The following PATJ variants were observed in gnomAD, a reference collection of about 807,000 sequenced individuals.
PATJ encodes the protein inaD-like protein.
PATJ carries 190 observed loss-of-function variants against 224.9 expected under a neutral mutation model. The observed-to-expected ratio is 0.84, with a 90% confidence interval of 0.75 to 0.95. The LOEUF (loss-of-function observed/expected upper bound fraction) is 0.95. PATJ is among the 40% of genes least tolerant of loss of function. PATJ has a pLI of 0.00. For synonymous variants in PATJ, 769 were observed against 820.3 expected, an observed-to-expected ratio of 0.94 and a Z score of 1.07; for missense variants, 2,121 against 2,270.3, an observed-to-expected ratio of 0.93 and a Z score of 1.34.
intron 7 of PATJ, among the ~76,000 whole-genome samples, chr1:61,787,016 T>C (rs1402885338): frequency 6.6e-6 from 1 of 151,908 alleles, no homozygotes; most frequent in Non-Finnish European, 1.5e-5. Context: ...ACTATCTATC[T>C]ATCTGTCTAT....
intron 39 of PATJ, among the ~76,000 whole-genome samples, chr1:62,125,273 A>AAAAAC (rs1166145137): frequency 6.9e-6 from 1 of 145,572 alleles, no homozygotes; most frequent in East Asian, 2.2e-4. Flanking sequence ...ACAAAAAAAA[A>AAAAAC]ACGCCATTAG....
rs561229587 is a variant in PATJ at position 62,080,542 on chromosome 1, G to A, written c.4243+975G>A. Among the ~76,000 whole-genome samples, 378 of 152,070 alleles carry A rather than the reference G, an allele frequency of 2.5e-3. 3 individuals carry two copies. Among genetic ancestry groups the A allele is most frequent in the African/African-American group, 8.7e-3 (361 of 41,486 alleles). On this transcript the variant is annotated intron_variant, in intron 32 of 43. Transcript: ENST00000642238. The stretch of plus-strand genomic sequence containing the variant: ...AGATGGGGTTTCACCATGTTGGCCA[G>A]GCTGGTCTCAAACTCTTGACCTCAA...
At chr1:62,066,426 C>A (rs1656445386) in intron 31 of PATJ, among the ~76,000 whole-genome samples, 1 of 151,688 alleles carries the variant, frequency 6.6e-6, no homozygotes, top group African/African-American at 2.4e-5. Context: ...CTCTGTCGCC[C>A]AGGTTGGAAC....
chr1:62,014,720 C>T lies in PATJ; in HGVS notation c.3868-3136C>T, dbSNP rs190522335. On this transcript the variant is annotated intron_variant, in intron 28 of 43. Transcript: ENST00000642238. ...TAGCTGGGACTACAGGTGCATGCCACCACACTTGGCTAATTTTTATATTGT... is the reference window on the plus strand; with the variant it reads ...TAGCTGGGACTACAGGTGCATGCCATCACACTTGGCTAATTTTTATATTGT... Among the ~76,000 whole-genome samples, 304 of 151,972 alleles carry T rather than the reference C, an allele frequency of 2.0e-3. 2 individuals carry two copies. The highest frequency in any genetic ancestry group is 7.2e-3 in the African/African-American group (299 of 41,472).
chr1:62,017,870 T>C lies in PATJ; in HGVS notation c.3882T>C (p.Ile1294=), dbSNP rs953038859. ...GDELLEINNQ[I]LYGRSHQNAS... ...TTCCCAAACAGATAAACAATCAGATTCTGTATGGAAGAAGTCACCAAAATG... is the reference window on the plus strand; with the variant it reads ...TTCCCAAACAGATAAACAATCAGATCCTGTATGGAAGAAGTCACCAAAATG... Residue 1294 remains isoleucine (I), a synonymous_variant, in exon 29 of 44, where the codon ATT becomes ATC. Coordinates refer to ENST00000642238, the MANE Select transcript of PATJ (RefSeq NM_001350145.3). The C allele has an allele frequency of 1.1e-5, 18 of 1,605,248 alleles. No individual in the cohort carries two copies. The highest frequency in any genetic ancestry group is 1.5e-5 in the Non-Finnish European group (18 of 1,172,138).
chr1:61,835,038 T>C (rs993818490), intron 17 of PATJ, among the ~76,000 whole-genome samples: 3 of 152,168 alleles, frequency 2.0e-5, no homozygotes, highest in African/African-American at 7.2e-5. Context: ...CTAAATTCTG[T>C]ATTTTGGCAG....
Position 62,110,212 on chromosome 1 carries a change from A to G in PATJ, c.4461+1692A>G, listed in dbSNP as rs140342254. Among the ~76,000 whole-genome samples the G allele has an allele frequency of 2.3e-3, 358 of 152,362 alleles. 6 individuals carry two copies. The highest frequency in any genetic ancestry group is 8.0e-3 in the African/African-American group (334 of 41,590). On this transcript the variant is annotated intron_variant, in intron 34 of 43. Coordinates refer to ENST00000642238, the MANE Select transcript of PATJ (RefSeq NM_001350145.3). Reference sequence around the variant, plus strand: ...AGTCTAACACTTGTTTAGCTAAGAAATACAGCTCTCAGTTTGGTCAGGGAA... The same window carrying G: ...AGTCTAACACTTGTTTAGCTAAGAAGTACAGCTCTCAGTTTGGTCAGGGAA...
At chr1:61,788,935 A>G (rs1221485756) in intron 8 of PATJ, among the ~76,000 whole-genome samples, 1 of 149,238 alleles carries the variant, frequency 6.7e-6, no homozygotes, top group Non-Finnish European at 1.5e-5. Context: ...CAGTCTCCCA[A>G]AGTGCTAGGA....
At chr1:61,742,709 C>T (rs1159285777) in intron 1 of PATJ, among the ~76,000 whole-genome samples, 154 bp downstream of exon 1, 1 of 151,514 alleles carries the variant, frequency 6.6e-6, no homozygotes, top group Non-Finnish European at 1.5e-5. Flanking sequence ...GGGTGGGAGC[C>T]GGAGGTGGAG....
intron 27 of PATJ, among the ~76,000 whole-genome samples, chr1:61,958,345 A>C (rs897238426): frequency 3.9e-5 from 6 of 152,188 alleles, no homozygotes; most frequent in African/African-American, 1.4e-4. Flanking sequence ...TATTACCTTA[A>C]CTTTTTAAAA....
At chr1:62,058,402 C>T (rs911078122) in intron 31 of PATJ, among the ~76,000 whole-genome samples, 9 of 152,168 alleles carry the variant, frequency 5.9e-5, no homozygotes, top group African/African-American at 1.9e-4. Context: ...TATTAAACAG[C>T]GTCACGTGTT....
intron 33 of PATJ, among the ~76,000 whole-genome samples, chr1:62,103,754 A>C (rs1447105216): frequency 2.0e-5 from 3 of 151,008 alleles, no homozygotes; most frequent in South Asian, 2.1e-4. Context: ...ACTCTGTCTC[A>C]ACCCAAAAAA....
chr1:62,062,392 C>CTTTTTTGTTTTTTTT (rs1655640351), intron 31 of PATJ, among the ~76,000 whole-genome samples: 1 of 28,458 alleles, frequency 3.5e-5, no homozygotes, highest in Non-Finnish European at 5.9e-5. Flanking sequence ...ATGTTGTCTT[C>CTTTTTTGTTTTTTTT]TTTTTTTTTT....
At chr1:61,827,301 T>C in intron 15 of PATJ, 121 bp from the exon 16 acceptor site, 1 of 797,910 alleles carries the variant, frequency 1.3e-6, no homozygotes, top group Non-Finnish European at 1.9e-6. Context: ...GCGAGGCCCC[T>C]TGTTTACAGG....
intron 31 of PATJ, among the ~76,000 whole-genome samples, chr1:62,071,490 CTTTTTTT>C (rs747065507): frequency 8.5e-6 from 1 of 117,728 alleles, no homozygotes; most frequent in South Asian, 2.8e-4. Flanking sequence ...TTGTAGATCA[CTTTTTTT>C]TTTTTTTTTT....
At chr1:61,908,662 C>T (rs566102656) in intron 25 of PATJ, among the ~76,000 whole-genome samples, 180 bp downstream of exon 25, 2 of 152,264 alleles carry the variant, frequency 1.3e-5, no homozygotes, top group East Asian at 3.9e-4. Flanking sequence ...TTTTGATCTT[C>T]TGGTCAAATT....
chr1:61,931,122 C>T (rs1675970370), intron 27 of PATJ, among the ~76,000 whole-genome samples: 1 of 152,214 alleles, frequency 6.6e-6, no homozygotes, highest in African/African-American at 2.4e-5. Flanking sequence ...AGCCATCACA[C>T]ACTAGTCTAA....
At chr1:61,882,284 G>A (rs1668209519) in intron 21 of PATJ, among the ~76,000 whole-genome samples, 2 of 152,182 alleles carry the variant, frequency 1.3e-5, no homozygotes, top group South Asian at 2.1e-4. Context: ...TGACTGACAC[G>A]TGAGTAAAGT....
At position 61,752,539 on chromosome 1, in the gene PATJ, C is replaced by T. The variant is rs538449910; in HGVS notation, c.-36+9984C>T. Among the ~76,000 whole-genome samples, 82 of 152,178 alleles carry T rather than the reference C, an allele frequency of 5.4e-4. 1 individual carries two copies. The South Asian group carries it at 0.017, about 31-fold the overall frequency. On this transcript the variant is annotated intron_variant, in intron 1 of 43. Transcript: ENST00000642238. ...ACGTTGGCCAGGCTGGTCTCAAACT[C>T]CTGCCCTTGTGGTCCAAGGCCTCCC...
Sources: gnomAD v4.1 joint callset for allele counts (sites outside exome capture counted in the v4.1 genomes callset) on GRCh38, gnomAD v4.1.1 for gene constraint, MANE v1.5 for transcripts, NCBI Gene and HGNC (gene_info 2026-07-23, HGNC 2026-07-21) for gene names.